Variants in POLR1A observed in about 807,000 individuals in gnomAD.
POLR1A encodes DNA-directed RNA polymerase I subunit RPA1.
Under a neutral mutation model 205.3 loss-of-function variants are expected in POLR1A, and 84 were observed. The observed-to-expected ratio is 0.41, with a 90% CI of 0.34 to 0.49. The LOEUF is 0.49. POLR1A is among the 20% of genes least tolerant of loss of function. The pLI is 0.22. For missense variants in POLR1A, 1,645 were observed against 2,204.5 expected, an observed-to-expected ratio of 0.75 and a Z score of 5.08; for synonymous variants, 799 against 863.7, an observed-to-expected ratio of 0.93 and a Z score of 1.31.
Position 86,070,688 on chromosome 2 carries a change from T to A in POLR1A, c.1612-416A>T, listed in dbSNP as rs1395015677. 1.2e-5 allele frequency among the ~76,000 whole-genome samples: 1 copy of A among 86,388 alleles called. No homozygotes were observed. Among genetic ancestry groups the A allele is most frequent in the Non-Finnish European group, 2.4e-5 (1 of 41,550 alleles). 56.7% of individuals were successfully genotyped at this position (86,388 alleles called of 152,430 possible). A position where few individuals can be genotyped will look rare whatever the true frequency, so the allele number is the denominator to read the frequency against. Reference sequence around the variant, plus strand: ...CTGGGTTTGAAAGGCATTGGCAGACTTTCGAATCCCCCCCCCGCCGTGATC... The same window carrying A: ...CTGGGTTTGAAAGGCATTGGCAGACATTCGAATCCCCCCCCCGCCGTGATC... On this transcript the variant is annotated intron_variant, in intron 12 of 33. Coordinates refer to ENST00000263857, the MANE Select transcript of POLR1A (RefSeq NM_015425.6). The surrounding 1 kb of genome is among the most constrained non-coding windows in gnomAD (Gnocchi z 4.4).
chr2:86,060,884 G>T lies in POLR1A; in HGVS notation c.2058+4390C>A, dbSNP rs74383353. Among the ~76,000 whole-genome samples, 978 of 152,282 alleles carry T rather than the reference G, an allele frequency of 6.4e-3. 26 individuals carry two copies. The East Asian group carries it at 0.098, about 15-fold the overall frequency. ...ATTAGGTGAAAAGGCTAGCCACCAAGTAGAAGGTATTTGCAATGTATATAT... is the reference window on the plus strand; with the variant it reads ...ATTAGGTGAAAAGGCTAGCCACCAATTAGAAGGTATTTGCAATGTATATAT... On this transcript the variant is annotated intron_variant, in intron 14 of 33. Transcript: ENST00000263857.
rs200880797 is a variant in POLR1A at position 86,042,043 on chromosome 2, C to T, written c.3418G>A (p.Ala1140Thr). 563 of 1,613,790 alleles carry T rather than the reference C, an allele frequency of 3.5e-4. No individual in the cohort carries two copies. The highest frequency in any genetic ancestry group is 6.9e-4 in the Middle Eastern group (4 of 5,778). The change falls in exon 24 of 34, where the codon GCC becomes ACC. Residue 1140 changes from alanine to threonine, a missense_variant. By Grantham distance (58) the Ala-to-Thr change is moderately conservative (BLOSUM62 0). This residue lies in a region of POLR1A where 201 missense variants were observed against 222.3 expected (regional missense o/e 0.90). Transcript: ENST00000263857. The part of the protein sequence containing the change: ...ESRRKYQKKA[A>T]ACPDPSLSVW... Reference sequence around the variant, plus strand: ...GACAGACTGGGGTCAGGACAAGCGGCCGCCTTCTTCTGGTATTTCCTTCGG... The same window carrying T: ...GACAGACTGGGGTCAGGACAAGCGGTCGCCTTCTTCTGGTATTTCCTTCGG...
At chr2:86,075,997 C>T (rs1003586524) in intron 11 of POLR1A, among the ~76,000 whole-genome samples, 3 of 152,278 alleles carry the variant, frequency 2.0e-5, no homozygotes, top group Admixed American at 1.3e-4. Flanking sequence ...GACATGGCAT[C>T]GGAATATCTC....
chr2:86,030,021 C>T (rs545503535), intron 31 of POLR1A, among the ~76,000 whole-genome samples, 175 bp downstream of exon 31: 3 of 152,308 alleles, frequency 2.0e-5, no homozygotes, highest in African/African-American at 4.8e-5. Context: ...CCAGAATCCC[C>T]GGGAGGCAGA....
chr2:86,103,981 G>A (rs1373047441), intron 1 of POLR1A, among the ~76,000 whole-genome samples: 2 of 152,190 alleles, frequency 1.3e-5, no homozygotes, highest in African/African-American at 4.8e-5. Flanking sequence ...GGAATATGCA[G>A]GTGGTTTAAT....
chr2:86,027,756 G>A (rs530266932), intron 33 of POLR1A, 129 bp downstream of exon 33: 11 of 1,087,264 alleles, frequency 1.0e-5, no homozygotes, highest in African/African-American at 4.7e-5. Context: ...CCCTCCAGCC[G>A]CCCCCGCTCC....
intron 24 of POLR1A, among the ~76,000 whole-genome samples, chr2:86,041,614 C>G (rs1020428260): frequency 6.6e-6 from 1 of 152,172 alleles, no homozygotes; most frequent in African/African-American, 2.4e-5. Flanking sequence ...CCACACCAAA[C>G]CCAAGAGAGC....
intron 3 of POLR1A, among the ~76,000 whole-genome samples, chr2:86,093,502 A>G (rs1328989693): frequency 6.6e-6 from 1 of 152,182 alleles, no homozygotes; most frequent in Non-Finnish European, 1.5e-5. Context: ...TAATCCTCAA[A>G]CAACATTCAA....
At chr2:86,048,132 G>A (rs926828624) in intron 18 of POLR1A, among the ~76,000 whole-genome samples, 6 of 152,180 alleles carry the variant, frequency 3.9e-5, no homozygotes, top group Admixed American at 1.3e-4. Context: ...CACTACAGAC[G>A]AACTTTGACT....
intron 29 of POLR1A, among the ~76,000 whole-genome samples, chr2:86,031,838 C>G (rs11693943): frequency 6.6e-6 from 1 of 152,214 alleles, no homozygotes; most frequent in African/African-American, 2.4e-5. Flanking sequence ...CTCTGTCCCC[C>G]TGAGCCCCTC....
At position 86,105,309 on chromosome 2, in the gene POLR1A, C is replaced by T. The variant is rs186467203; in HGVS notation, c.77+391G>A. On this transcript the variant is annotated intron_variant, in intron 1 of 33. Transcript: ENST00000263857. Reference sequence around the variant, plus strand: ...GGTCCTAGCAAAGAGAAGTTAACGCCTGAACTGACACTTGAAGGACAATCA... The same window carrying T: ...GGTCCTAGCAAAGAGAAGTTAACGCTTGAACTGACACTTGAAGGACAATCA... Among the ~76,000 whole-genome samples, 3 of 152,184 alleles carry T rather than the reference C, an allele frequency of 2.0e-5. No individual in the cohort carries two copies. In the East Asian group the frequency reaches 5.8e-4, roughly 29 times the overall value.
At chr2:86,101,828 T>G (rs982992641) in intron 1 of POLR1A, among the ~76,000 whole-genome samples, 1 of 152,174 alleles carries the variant, frequency 6.6e-6, no homozygotes. Context: ...ATCATTTTAC[T>G]TTCTGTTTTG....
intron 27 of POLR1A, among the ~76,000 whole-genome samples, chr2:86,038,168 T>C (rs1349185842): frequency 6.6e-6 from 1 of 152,208 alleles, no homozygotes; most frequent in Non-Finnish European, 1.5e-5. Context: ...TTTTCCCTAC[T>C]GGACAGGAAC....
intron 27 of POLR1A, chr2:86,037,117 C>G (rs1672513122): frequency 6.6e-6 from 1 of 152,364 alleles, no homozygotes; most frequent in Non-Finnish European, 1.5e-5. Context: ...CACAAACGCC[C>G]CCTGCACTTG....
At chr2:86,034,887 T>C (rs189650087) in intron 27 of POLR1A, among the ~76,000 whole-genome samples, 1,816 of 151,292 alleles carry the variant, frequency 0.012, 44 homozygotes, top group African/African-American at 0.041. Context: ...CCCCCCACCG[T>C]CCCGAGATGG....
In POLR1A at chr2:86,088,607, A is replaced by G. The variant is rs538735607; in HGVS notation, c.689T>C (p.Met230Thr). Residue 230 changes from methionine to threonine, a missense_variant, in exon 6 of 34, where the codon ATG becomes ACG. Coordinates refer to ENST00000263857, the MANE Select transcript of POLR1A (RefSeq NM_015425.6). Reference protein sequence around the residue: ...NSKLTITFPAMVHRTAGQKDS... With the variant: ...NSKLTITFPATVHRTAGQKDS... ...CTTCTGGCCAGCTGTCCTGTGCACC[A>G]TGGCTGGAAACGTGATAGTCAACTT... The G allele has an allele frequency of 3.7e-6, 6 of 1,614,036 alleles. No individual in the cohort carries two copies. In the South Asian group the frequency reaches 5.5e-5, roughly 15 times the overall value.
At chr2:86,027,834 G>C in intron 33 of POLR1A, 51 bp downstream of exon 33, 1 of 1,592,542 alleles carries the variant, frequency 6.3e-7, no homozygotes, top group Non-Finnish European at 8.6e-7. Context: ...GAGCCCGTGT[G>C]CCCAGAGTCG....
At chr2:86,067,552 T>C (rs1216074059) in intron 13 of POLR1A, among the ~76,000 whole-genome samples, 2 of 152,192 alleles carry the variant, frequency 1.3e-5, no homozygotes, top group African/African-American at 4.8e-5. Flanking sequence ...CACAAAACTC[T>C]ACTAAGTACA....
chr2:86,099,961 C>G lies in POLR1A; in HGVS notation c.282+7G>C. The G allele has an allele frequency of 6.2e-7, 1 of 1,611,990 alleles. No homozygotes were observed. The highest frequency in any genetic ancestry group is 8.5e-7 in the Non-Finnish European group (1 of 1,178,260). On this transcript the variant is annotated splice_region_variant and intron_variant, in intron 2 of 33. Transcript: ENST00000263857. ...CCGGAGACCCACACAACTAAGGCAGCACTTACATCGAAGAGGAGAGGGTTA... is the reference window on the plus strand; with the variant it reads ...CCGGAGACCCACACAACTAAGGCAGGACTTACATCGAAGAGGAGAGGGTTA...
Sources: allele counts gnomAD v4.1 joint callset (sites outside exome capture counted in the v4.1 genomes callset), GRCh38; gene constraint gnomAD v4.1.1; regional missense constraint gnomAD v4.1.1; non-coding constraint Gnocchi (gnomAD v3.1); transcripts MANE v1.5; gene names NCBI Gene and HGNC (gene_info 2026-07-23, HGNC 2026-07-21).